Variants in ANKS1B observed in about 807,000 individuals in gnomAD.
The protein encoded by ANKS1B is ankyrin repeat and sterile alpha motif domain-containing protein 1B.
Under a neutral mutation model 148.3 loss-of-function variants are expected in ANKS1B, and 36 were observed. The ratio of observed to expected loss-of-function variants is 0.24; its 90% CI spans 0.19 to 0.32. The LOEUF (loss-of-function observed/expected upper bound fraction) is 0.32, where lower values mean the gene tolerates loss of function less well. ANKS1B is among the 10% of genes least tolerant of loss of function. The probability of loss-of-function intolerance (pLI) is 1.00; values close to 1 mark genes in which losing one functional copy is unlikely to be tolerated. For missense variants in ANKS1B, 1,157 were observed against 1,542.6 expected, an observed-to-expected ratio of 0.75 and a Z score of 4.19; for synonymous variants, 542 against 560.8, an observed-to-expected ratio of 0.97 and a Z score of 0.47.
At chr12:99,375,055 T>G (rs1384264090) in intron 12 of ANKS1B, among the ~76,000 whole-genome samples, 1 of 152,214 alleles carries the variant, frequency 6.6e-6, no homozygotes, top group Non-Finnish European at 1.5e-5. Context: ...TCTATGAGTT[T>G]GGATCACCTT....
chr12:98,884,961 C>CA (rs139008122), intron 17 of ANKS1B, among the ~76,000 whole-genome samples: 1 of 151,916 alleles, frequency 6.6e-6, no homozygotes, highest in African/African-American at 2.4e-5. Flanking sequence ...TAAAATACCA[C>CA]AAAAAAACTC....
intron 12 of ANKS1B, among the ~76,000 whole-genome samples, chr12:99,304,934 A>G (rs2082147999): frequency 6.6e-6 from 1 of 152,098 alleles, no homozygotes; most frequent in African/African-American, 2.4e-5. Context: ...GGAATACCTG[A>G]GACTGGGTAA....
chr12:99,813,352 A>G (rs1378115211), intron 2 of ANKS1B, among the ~76,000 whole-genome samples: 2 of 151,476 alleles, frequency 1.3e-5, no homozygotes, highest in African/African-American at 4.8e-5. Flanking sequence ...TTAACTCACT[A>G]AATGAAATGC....
intron 1 of ANKS1B, among the ~76,000 whole-genome samples, chr12:99,907,125 C>CT (rs1207108538): frequency 3.3e-5 from 5 of 152,174 alleles, no homozygotes; most frequent in Non-Finnish European, 7.3e-5. Flanking sequence ...CATGATGGCT[C>CT]TAACAAAAGG....
chr12:99,903,213 CTT>C (rs990321302), intron 1 of ANKS1B, among the ~76,000 whole-genome samples: 1 of 152,192 alleles, frequency 6.6e-6, no homozygotes, highest in African/African-American at 2.4e-5. Context: ...TGACTGATGA[CTT>C]TATCTTATCC....
At chr12:98,932,593 T>G (rs1388791654) in intron 17 of ANKS1B, among the ~76,000 whole-genome samples, 1 of 152,200 alleles carries the variant, frequency 6.6e-6, no homozygotes, top group Non-Finnish European at 1.5e-5. Flanking sequence ...GTATTTCATC[T>G]GTCTTTGGGT....
intron 3 of ANKS1B, among the ~76,000 whole-genome samples, chr12:99,809,339 T>G (rs1256797880): frequency 6.6e-6 from 1 of 151,464 alleles, no homozygotes; most frequent in Non-Finnish European, 1.5e-5. Flanking sequence ...AATGTGTTTT[T>G]CAGATAAGGC....
intron 1 of ANKS1B, among the ~76,000 whole-genome samples, chr12:99,947,268 A>C (rs2095091349): frequency 6.7e-6 from 1 of 148,476 alleles, no homozygotes; most frequent in Admixed American, 6.7e-5. Context: ...AAAAAAAAAA[A>C]ACAGAAAAGA....
At chr12:99,942,048 T>C (rs1258363801) in intron 1 of ANKS1B, among the ~76,000 whole-genome samples, 1 of 152,154 alleles carries the variant, frequency 6.6e-6, no homozygotes, top group East Asian at 1.9e-4. Context: ...GCATCTAGCA[T>C]AAATATGAGA....
At chr12:99,213,445 G>A (rs2083650842) in intron 14 of ANKS1B, among the ~76,000 whole-genome samples, 1 of 152,150 alleles carries the variant, frequency 6.6e-6, no homozygotes, top group Non-Finnish European at 1.5e-5. Context: ...AGCAGCACTG[G>A]GGAAGAGTAG....
intron 17 of ANKS1B, among the ~76,000 whole-genome samples, chr12:98,945,594 T>G (rs2099844267): frequency 6.6e-6 from 1 of 151,186 alleles, no homozygotes; most frequent in Non-Finnish European, 1.5e-5. Flanking sequence ...CCAGCTACCT[T>G]TTCCCCATTT....
intron 14 of ANKS1B, among the ~76,000 whole-genome samples, chr12:99,224,082 G>A (rs1407822257): frequency 1.3e-5 from 2 of 151,988 alleles, no homozygotes; most frequent in African/African-American, 4.8e-5. Flanking sequence ...AGGAAGAAAT[G>A]CCTGTATATA....
intron 1 of ANKS1B, among the ~76,000 whole-genome samples, chr12:99,900,037 T>C (rs1385102979): frequency 6.6e-6 from 1 of 151,940 alleles, no homozygotes; most frequent in Non-Finnish European, 1.5e-5. Flanking sequence ...TAGCTGGGAC[T>C]ACAGGCACCT....
chr12:99,860,985 T>A (rs1355771257), intron 1 of ANKS1B, among the ~76,000 whole-genome samples: 3 of 152,220 alleles, frequency 2.0e-5, no homozygotes, highest in Non-Finnish European at 4.4e-5. Flanking sequence ...GAAAAGCTAA[T>A]TAGAAGTATA....
At chr12:99,020,696 A>G (rs1391281282) in intron 17 of ANKS1B, among the ~76,000 whole-genome samples, 4 of 152,134 alleles carry the variant, frequency 2.6e-5, no homozygotes, top group African/African-American at 9.7e-5. Context: ...TTGGCACATG[A>G]ATTAAAACAT....
At chr12:98,938,518 A>C (rs1379715324) in intron 17 of ANKS1B, among the ~76,000 whole-genome samples, 1 of 152,204 alleles carries the variant, frequency 6.6e-6, no homozygotes, top group Non-Finnish European at 1.5e-5. Context: ...CCATTGTTTC[A>C]AATGTCATGG....
chr12:99,812,300 A>C lies in ANKS1B; in HGVS notation c.227T>G (p.Leu76Arg). ...TGATGCCTCATACTGAAGTAGTTTG[A>C]GAACTATGTCCCTAAAAAGGAAAAA... ...AALNGHKDIV[L>R]KLLQYEASTN... The change falls in exon 3 of 27, where the codon CTC (leucine) becomes CGC (arginine). Residue 76 changes from leucine (L) to arginine (R), a missense_variant. By Grantham distance (102) the Leu-to-Arg change is moderately radical. Transcript: ENST00000683438. The C allele has an allele frequency of 6.2e-7, 1 of 1,610,870 alleles. No homozygotes were observed. Among genetic ancestry groups the C allele is most frequent in the Non-Finnish European group, 8.5e-7 (1 of 1,178,024 alleles).
rs145355577 is a variant in ANKS1B, at chr12:99,626,986, C to T, written c.1272+28081G>A. 3.9e-5 allele frequency among the ~76,000 whole-genome samples: 6 copies of T among 152,186 alleles called. No individual in the cohort carries two copies. In the East Asian group the frequency reaches 1.2e-3, roughly 30 times the overall value. On this transcript the variant is annotated intron_variant, in intron 9 of 26. Coordinates refer to ENST00000683438, the MANE Select transcript of ANKS1B (RefSeq NM_001352186.2). Reference sequence around the variant, plus strand: ...AAAGGATATAATAAAATAATAGACACCACTTTCCCTTTTCTCTCACAAATT... The same window carrying T: ...AAAGGATATAATAAAATAATAGACATCACTTTCCCTTTTCTCTCACAAATT...
intron 8 of ANKS1B, among the ~76,000 whole-genome samples, chr12:99,758,543 A>T (rs528469795): frequency 5.3e-4 from 81 of 151,792 alleles, no homozygotes; most frequent in Non-Finnish European, 6.0e-4. Context: ...TTTTCATATT[A>T]AAAAAATCTA....
Sources: allele counts gnomAD v4.1 joint callset (sites outside exome capture counted in the v4.1 genomes callset), GRCh38; gene constraint gnomAD v4.1.1; transcripts MANE v1.5; gene names NCBI Gene and HGNC (gene_info 2026-07-23, HGNC 2026-07-21).